Variants in SYN2 observed in about 807,000 individuals in gnomAD.
SYN2 encodes synapsin II.
In SYN2, 19 loss-of-function variants were observed where a neutral mutation model predicts 50.9. The ratio of observed to expected loss-of-function variants is 0.37; its 90% CI spans 0.26 to 0.55. The LOEUF (loss-of-function observed/expected upper bound fraction) is 0.55. Ranked by LOEUF, SYN2 falls within the 20% of genes least tolerant of loss-of-function variation. The pLI is 0.81. For synonymous variants in SYN2, 255 were observed against 224.9 expected, an observed-to-expected ratio of 1.13 and a Z score of -1.20; for missense variants, 587 against 576.4, an observed-to-expected ratio of 1.02 and a Z score of -0.19.
At chr3:12,117,745 G>C (rs1214014717) in intron 1 of SYN2, among the ~76,000 whole-genome samples, 2 of 152,196 alleles carry the variant, frequency 1.3e-5, no homozygotes, top group Non-Finnish European at 2.9e-5. Flanking sequence ...TGTGTCTGCT[G>C]TCTGCTTTTG....
intron 1 of SYN2, among the ~76,000 whole-genome samples, chr3:12,044,742 A>T (rs2125151191): frequency 6.6e-6 from 1 of 152,316 alleles, no homozygotes; most frequent in East Asian, 1.9e-4. Context: ...CTATTGGGGA[A>T]TAAGAAAAAT....
At chr3:12,142,437 C>T (rs1242228977) in intron 3 of SYN2, among the ~76,000 whole-genome samples, 1 of 152,206 alleles carries the variant, frequency 6.6e-6, no homozygotes, top group Non-Finnish European at 1.5e-5. Flanking sequence ...TGAGTTGTGG[C>T]AGAGCCCTGT....
At chr3:12,177,254 A>G (rs993699392) in intron 10 of SYN2, among the ~76,000 whole-genome samples, 4 of 152,252 alleles carry the variant, frequency 2.6e-5, no homozygotes, top group African/African-American at 7.2e-5. Flanking sequence ...CCTGCAGCCC[A>G]GGATGGCTTT....
intron 5 of SYN2, among the ~76,000 whole-genome samples, chr3:12,159,919 TG>T (rs1230369992): frequency 3.3e-5 from 5 of 151,864 alleles, no homozygotes; most frequent in African/African-American, 1.2e-4. Context: ...GGCCTACACC[TG>T]TAGTCCCAGG....
chr3:12,145,859 A>T (rs1559438529), intron 4 of SYN2, 24 bp downstream of exon 4: 1 of 1,612,834 alleles, frequency 6.2e-7, no homozygotes, highest in African/African-American at 1.3e-5. Context: ...CCTTCCCCCA[A>T]GTAAAAGGGT....
intron 1 of SYN2, among the ~76,000 whole-genome samples, chr3:12,122,179 C>T (rs941018972): frequency 1.3e-5 from 2 of 152,150 alleles, no homozygotes; most frequent in African/African-American, 2.4e-5. Flanking sequence ...CAGTAGGTGA[C>T]GAATAAACAT....
chr3:12,184,477 C>T (rs1254489568), intron 11 of SYN2: 1 of 985,852 alleles, frequency 1.0e-6, no homozygotes, highest in Non-Finnish European at 1.2e-6. Context: ...CTCCTGAGGC[C>T]TCATAATGGG....
chr3:12,033,353 G>C (rs938069706), intron 1 of SYN2, among the ~76,000 whole-genome samples: 3 of 152,178 alleles, frequency 2.0e-5, no homozygotes, highest in Non-Finnish European at 4.4e-5. Flanking sequence ...GACCGGAGCT[G>C]TTCCTATTCG....
intron 1 of SYN2, among the ~76,000 whole-genome samples, chr3:12,109,037 G>GT (rs1696261285): frequency 6.6e-6 from 1 of 152,188 alleles, no homozygotes; most frequent in African/African-American, 2.4e-5. Flanking sequence ...ACATTTTGAA[G>GT]TTTTTTCATT....
At chr3:12,044,181 T>TCTCTCTCTCTCTCTCTCA (rs573246278) in intron 1 of SYN2, among the ~76,000 whole-genome samples, 2 of 53,360 alleles carry the variant, frequency 3.7e-5, no homozygotes, top group African/African-American at 9.3e-5. Context: ...TCTCTCTCTC[T>TCTCTCTCTCTCTCTCTCA]CACACACACA....
chr3:12,056,862 C>T (rs991518078), intron 1 of SYN2, among the ~76,000 whole-genome samples: 3 of 152,080 alleles, frequency 2.0e-5, no homozygotes, highest in African/African-American at 7.2e-5. Context: ...AAAGTTGTGT[C>T]CTTTGTGTAT....
At chr3:12,163,608 T>C (rs1299641685) in intron 7 of SYN2, among the ~76,000 whole-genome samples, 1 of 152,206 alleles carries the variant, frequency 6.6e-6, no homozygotes. Context: ...TTACCATGTA[T>C]AGCAGCAGAA....
rs905435928 is a variant in SYN2 at position 12,161,463 on chromosome 3, G to A, written c.775-83G>A. 2.0e-6 allele frequency: 3 copies of A among 1,499,476 alleles called. No homozygotes were observed. The African/African-American group carries it at 4.1e-5, about 21-fold the overall frequency. The allele number at this position is 1,499,476 out of a possible 1,614,324, so 92.9% of individuals were successfully genotyped here. ...AGTTCTTTAAAGAACCCTCCCAAGG[G>A]TATTCCCAAGAAAAATATGTGTAGG... On this transcript the variant is annotated intron_variant, in intron 5 of 12. Transcript: ENST00000621198.
chr3:12,122,405 A>G (rs1431774732), intron 1 of SYN2, among the ~76,000 whole-genome samples: 2 of 152,210 alleles, frequency 1.3e-5, no homozygotes, highest in African/African-American at 4.8e-5. Context: ...AGCCTATAAG[A>G]AGATGTTGTA....
intron 1 of SYN2, among the ~76,000 whole-genome samples, chr3:12,124,985 A>C (rs1287789092): frequency 6.6e-6 from 1 of 152,172 alleles, no homozygotes; most frequent in Non-Finnish European, 1.5e-5. Context: ...TAATGAAATT[A>C]AGTTTGGAGA....
At chr3:12,117,829 C>G (rs1696465984) in intron 1 of SYN2, among the ~76,000 whole-genome samples, 1 of 152,176 alleles carries the variant, frequency 6.6e-6, no homozygotes. Context: ...GTCAGCCTTC[C>G]TGGAGCAAAT....
At chr3:12,071,161 A>T (rs1379599828) in intron 1 of SYN2, 2 of 553,608 alleles carry the variant, frequency 3.6e-6, no homozygotes, top group African/African-American at 3.8e-5. Context: ...GTACCCGGGC[A>T]TCACCAACAG....
intron 1 of SYN2, among the ~76,000 whole-genome samples, chr3:12,120,799 C>G (rs558667800): frequency 2.0e-5 from 3 of 152,110 alleles, no homozygotes; most frequent in Admixed American, 2.0e-4. Flanking sequence ...TTCCCAGTGT[C>G]TCCTTCATGT....
chr3:12,173,562 C>T (rs1017088866), intron 10 of SYN2, among the ~76,000 whole-genome samples: 1 of 152,146 alleles, frequency 6.6e-6, no homozygotes, highest in African/African-American at 2.4e-5. Context: ...CATTTTCTCT[C>T]CTATCCTCTC....
Sources: allele counts gnomAD v4.1 joint callset (sites outside exome capture counted in the v4.1 genomes callset), GRCh38; gene constraint gnomAD v4.1.1; transcripts MANE v1.5; gene names NCBI Gene and HGNC (gene_info 2026-07-23, HGNC 2026-07-21).